Variants in BCLAF1 observed in about 807,000 individuals in gnomAD.
BCLAF1 encodes BCL2 associated transcription factor 1, also known as bcl-2-associated transcription factor 1.
Under a neutral mutation model 99.5 loss-of-function variants are expected in BCLAF1, and 10 were observed. The observed-to-expected ratio is 0.10, with a 90% CI of 0.06 to 0.17. The LOEUF (loss-of-function observed/expected upper bound fraction) is 0.17. Ranked by LOEUF, BCLAF1 falls within the 10% of genes least tolerant of loss-of-function variation. The pLI is 1.00. For synonymous variants in BCLAF1, 255 were observed against 370.9 expected (o/e 0.69, Z 3.59); for missense variants, 636 against 1,105.8 (o/e 0.58, Z 6.02).
intron 6 of BCLAF1, among the ~76,000 whole-genome samples, chr6:136,275,078 A>G (rs1224804600): frequency 6.6e-6 from 1 of 152,052 alleles, no homozygotes; most frequent in Non-Finnish European, 1.5e-5. Flanking sequence ...TTTTTCCACC[A>G]TTTCAGATTT....
chr6:136,269,294 T>C, intron 9 of BCLAF1, 143 bp downstream of exon 9: 1 of 1,529,076 alleles, frequency 6.5e-7, no homozygotes, highest in South Asian at 1.2e-5. Flanking sequence ...AAAAGACAAA[T>C]ACATTTTTGC....
chr6:136,275,308 A>G (rs1466273301), intron 6 of BCLAF1, among the ~76,000 whole-genome samples: 2 of 152,130 alleles, frequency 1.3e-5, no homozygotes, highest in Non-Finnish European at 2.9e-5. Context: ...TTTTTAGCAT[A>G]TGGTTTCTCC....
At chr6:136,266,887 C>A (rs184183864) in intron 11 of BCLAF1, 142 bp downstream of exon 11, 4 of 1,095,574 alleles carry the variant, frequency 3.7e-6, no homozygotes, top group Non-Finnish European at 5.1e-6. Context: ...AATTTCAAAT[C>A]GTCTGGGTAA....
chr6:136,280,805 TGATTA>T (rs1020304968), intron 2 of BCLAF1, among the ~76,000 whole-genome samples: 23 of 151,468 alleles, frequency 1.5e-4, no homozygotes, highest in African/African-American at 5.6e-4. Flanking sequence ...AACTTTTCAA[TGATTA>T]GATTATATCT....
At chr6:136,276,607 G>C (rs1396946943) in intron 4 of BCLAF1, 99 bp from the exon 5 acceptor site, 9 of 1,375,476 alleles carry the variant, frequency 6.5e-6, no homozygotes, top group Non-Finnish European at 8.6e-6. Flanking sequence ...GGACCAGCAA[G>C]AGAGAAAATA....
At chr6:136,285,093 C>T (rs1332978526) in intron 1 of BCLAF1, among the ~76,000 whole-genome samples, 1 of 151,932 alleles carries the variant, frequency 6.6e-6, no homozygotes, top group Non-Finnish European at 1.5e-5. Flanking sequence ...AGGAATGGAC[C>T]AGATGAAATA....
At chr6:136,272,344 A>G (rs1217168806) in intron 7 of BCLAF1, among the ~76,000 whole-genome samples, 1 of 152,004 alleles carries the variant, frequency 6.6e-6, no homozygotes, top group African/African-American at 2.4e-5. Context: ...TCAAAAATAG[A>G]AAAAATGTGT....
intron 1 of BCLAF1, among the ~76,000 whole-genome samples, chr6:136,289,464 T>A (rs1265335566): frequency 6.6e-6 from 1 of 151,862 alleles, no homozygotes; most frequent in Admixed American, 6.5e-5. Context: ...GCTGTGGGTC[T>A]CCAGGCAGGT....
intron 11 of BCLAF1, among the ~76,000 whole-genome samples, chr6:136,262,820 T>A (rs1331258994): frequency 6.6e-6 from 1 of 152,180 alleles, no homozygotes; most frequent in African/African-American, 2.4e-5. Flanking sequence ...AGGCTGTGTT[T>A]TTTTATGATT....
chr6:136,276,774 T>G (rs1487511444), intron 4 of BCLAF1, among the ~76,000 whole-genome samples: 5 of 152,222 alleles, frequency 3.3e-5, no homozygotes, highest in Non-Finnish European at 7.3e-5. Context: ...TTAGTCACAA[T>G]CCACAATTCT....
chr6:136,267,283 T>A (rs1781839287), intron 10 of BCLAF1, 108 bp from the exon 11 acceptor site: 1 of 1,262,548 alleles, frequency 7.9e-7, no homozygotes, highest in South Asian at 1.5e-5. Context: ...TAATTTCCTA[T>A]CTAAATCTCA....
chr6:136,264,542 C>T (rs1327083531), intron 11 of BCLAF1, among the ~76,000 whole-genome samples: 2 of 152,246 alleles, frequency 1.3e-5, no homozygotes, highest in East Asian at 3.9e-4. Context: ...TCCAAATGTG[C>T]AAACTCTTTT....
rs758303631 is a variant in BCLAF1, at chr6:136,268,210, C to G, written c.2349G>C (p.Met783Ile). Residue 783 changes from methionine (M) to isoleucine (I), a missense_variant, in exon 10 of 13, where the codon ATG becomes ATC. Around this residue, in one of 9 missense-constraint regions of BCLAF1, gnomAD observed 180 missense variants for 270.0 expected, o/e 0.67. Transcript: ENST00000531224. Reference sequence around the variant, plus strand: ...CTCCTGCAAAGCCTGAGTATTCTTTCATTTCATGGTGAGTTTTAAATTCTT... The same window carrying G: ...CTCCTGCAAAGCCTGAGTATTCTTTGATTTCATGGTGAGTTTTAAATTCTT... ...REEEFKTHHE[M>I]KEYSGFAGVS... 15 of 1,564,544 alleles carry G rather than the reference C, an allele frequency of 9.6e-6. No individual in the cohort carries two copies. Among genetic ancestry groups the G allele is most frequent in the African/African-American group, 1.4e-5 (1 of 72,396 alleles).
At chr6:136,284,107 TAC>T (rs1562266875) in intron 1 of BCLAF1, among the ~76,000 whole-genome samples, 2 of 132,134 alleles carry the variant, frequency 1.5e-5, no homozygotes, top group African/African-American at 5.9e-5. Flanking sequence ...TATATATATA[TAC>T]ATATATATGT....
chr6:136,273,322 AG>A (rs1782807949), intron 6 of BCLAF1, 135 bp from the exon 7 acceptor site: 4 of 724,302 alleles, frequency 5.5e-6, no homozygotes, highest in Non-Finnish European at 2.2e-6. Context: ...AAGTGTTACA[AG>A]GAACTCCTAC....
intron 1 of BCLAF1, among the ~76,000 whole-genome samples, chr6:136,283,302 C>T (rs1482729338): frequency 2.0e-5 from 3 of 151,120 alleles, no homozygotes; most frequent in African/African-American, 7.3e-5. Context: ...CTTCCTTTCA[C>T]ACAATTTAGT....
rs1562226888 is a variant in BCLAF1 at position 136,261,128 on chromosome 6, G to C, written c.2758-13C>G. On this transcript the variant is annotated splice_polypyrimidine_tract_variant and intron_variant, in intron 12 of 12. Coordinates refer to ENST00000531224, the MANE Select transcript of BCLAF1 (RefSeq NM_014739.3). ...ATATTTATTATTCCTAAAAGAGAGA[G>C]AAAAAATTAAAGATTAACAAAAGAT... 1 of 1,576,750 alleles carries C rather than the reference G, an allele frequency of 6.3e-7. No homozygotes were observed. Among genetic ancestry groups the C allele is most frequent in the Non-Finnish European group, 8.6e-7 (1 of 1,161,158 alleles).
At chr6:136,267,217 G>A in intron 10 of BCLAF1, 42 bp from the exon 11 acceptor site, 3 of 1,585,720 alleles carry the variant, frequency 1.9e-6, no homozygotes, top group Non-Finnish European at 2.6e-6. Context: ...GCAATCAAAA[G>A]GTATTTAGTT....
intron 11 of BCLAF1, among the ~76,000 whole-genome samples, chr6:136,264,989 T>C (rs912103957): frequency 2.0e-5 from 3 of 152,220 alleles, no homozygotes; most frequent in African/African-American, 7.2e-5. Context: ...TATGTACTTG[T>C]TAAGGGTTAG....
Sources: allele counts gnomAD v4.1 joint callset (sites outside exome capture counted in the v4.1 genomes callset), GRCh38; gene constraint gnomAD v4.1.1; regional missense constraint gnomAD v4.1.1; transcripts MANE v1.5; gene names NCBI Gene and HGNC (gene_info 2026-07-23, HGNC 2026-07-21).